Variants in NRXN1 observed in about 807,000 individuals in gnomAD.
NRXN1 encodes neurexin-1.
In NRXN1, 39 loss-of-function variants were observed where a neutral mutation model predicts 150.9. That is an observed-to-expected ratio of 0.26 (90% CI 0.20 to 0.34). The LOEUF is 0.34. Among genes scored for constraint, NRXN1 ranks in the 10% least tolerant of loss-of-function variants. The probability of loss-of-function intolerance (pLI) is 1.00; values close to 1 mark genes in which losing one functional copy is unlikely to be tolerated. For synonymous variants in NRXN1, 924 were observed against 757.0 expected (o/e 1.22, Z -3.62); for missense variants, 1,815 against 1,949.9 (o/e 0.93, Z 1.30).
intron 5 of NRXN1, among the ~76,000 whole-genome samples, chr2:50,786,454 C>A (rs2105558911): frequency 6.6e-6 from 1 of 152,210 alleles, no homozygotes; most frequent in South Asian, 2.1e-4. Flanking sequence ...TCAGCACCTG[C>A]CAACACAGGG....
intron 18 of NRXN1, among the ~76,000 whole-genome samples, chr2:50,159,633 C>G (rs1027666504): frequency 1.3e-5 from 2 of 152,054 alleles, no homozygotes; most frequent in Non-Finnish European, 2.9e-5. Flanking sequence ...TAAGCATTGC[C>G]AAGCCATTGG....
chr2:50,819,531 G>A (rs1375882200), intron 5 of NRXN1, among the ~76,000 whole-genome samples: 1 of 152,016 alleles, frequency 6.6e-6, no homozygotes, highest in East Asian at 1.9e-4. Context: ...ATAGGGCATA[G>A]GGAAGATAGG....
intron 17 of NRXN1, among the ~76,000 whole-genome samples, chr2:50,385,562 A>G (rs1164562836): frequency 6.6e-6 from 1 of 152,210 alleles, no homozygotes; most frequent in African/African-American, 2.4e-5. Flanking sequence ...GTAAACCAGG[A>G]GTGGCAGCGT....
intron 5 of NRXN1, among the ~76,000 whole-genome samples, chr2:50,797,720 C>G (rs1332469758): frequency 6.6e-6 from 1 of 152,116 alleles, no homozygotes. Context: ...TGCAAGGTAC[C>G]TATTTCAATG....
chr2:50,894,517 T>G (rs1173224596), intron 5 of NRXN1, among the ~76,000 whole-genome samples: 1 of 151,994 alleles, frequency 6.6e-6, no homozygotes, highest in Non-Finnish European at 1.5e-5. Context: ...AACACTTAAT[T>G]AATATATTCT....
At chr2:50,032,372 T>C (rs1220072596) in intron 21 of NRXN1, among the ~76,000 whole-genome samples, 1 of 152,030 alleles carries the variant, frequency 6.6e-6, no homozygotes, top group Non-Finnish European at 1.5e-5. Flanking sequence ...TCAAGATTAA[T>C]TGGAGACAAG....
At chr2:50,255,171 G>A (rs572256136) in intron 17 of NRXN1, among the ~76,000 whole-genome samples, 8 of 152,188 alleles carry the variant, frequency 5.3e-5, no homozygotes, top group African/African-American at 1.9e-4. Flanking sequence ...TGGAAAGTTA[G>A]GTCACTTACA....
intron 5 of NRXN1, among the ~76,000 whole-genome samples, chr2:50,752,237 A>G (rs1700674439): frequency 6.6e-6 from 1 of 151,980 alleles, no homozygotes. Context: ...CCTATCATTT[A>G]TATTTGTACA....
chr2:49,927,777 A>G (rs929876191), intron 22 of NRXN1, among the ~76,000 whole-genome samples: 4 of 152,192 alleles, frequency 2.6e-5, no homozygotes, highest in Admixed American at 6.6e-5. Flanking sequence ...AGGCATTAGC[A>G]TGCCATCAGA....
chr2:50,461,076 G>C (rs1283155347), intron 17 of NRXN1, among the ~76,000 whole-genome samples: 1 of 152,024 alleles, frequency 6.6e-6, no homozygotes, highest in Non-Finnish European at 1.5e-5. Flanking sequence ...TCAGACACTG[G>C]ATATTGGATT....
intron 5 of NRXN1, among the ~76,000 whole-genome samples, chr2:50,820,867 C>T (rs1258939748): frequency 1.3e-5 from 2 of 152,042 alleles, no homozygotes; most frequent in African/African-American, 4.8e-5. Context: ...TGAACACCCA[C>T]GAGGTCTGTT....
chr2:50,025,513 A>G (rs1688153966), intron 21 of NRXN1, among the ~76,000 whole-genome samples: 3 of 152,332 alleles, frequency 2.0e-5, no homozygotes, highest in South Asian at 4.1e-4. Context: ...GGAAGCCACA[A>G]TCTTCAGGAA....
chr2:50,417,622 C>G (rs2083642557), intron 17 of NRXN1, among the ~76,000 whole-genome samples: 1 of 151,712 alleles, frequency 6.6e-6, no homozygotes, highest in African/African-American at 2.4e-5. Flanking sequence ...TTACAAATAA[C>G]CTAGCTATCA....
chr2:50,466,270 T>C (rs370969396), intron 16 of NRXN1, among the ~76,000 whole-genome samples: 4 of 151,752 alleles, frequency 2.6e-5, no homozygotes, highest in African/African-American at 9.7e-5. Context: ...TATACAAACA[T>C]ATTCAAGACT....
chr2:50,945,612 A>G (rs1690231773), intron 2 of NRXN1, among the ~76,000 whole-genome samples: 1 of 151,734 alleles, frequency 6.6e-6, no homozygotes, highest in Non-Finnish European at 1.5e-5. Flanking sequence ...AGTTTGTTTA[A>G]CCCTGAGCCA....
At chr2:50,849,579 T>G (rs1674203819) in intron 5 of NRXN1, among the ~76,000 whole-genome samples, 1 of 152,168 alleles carries the variant, frequency 6.6e-6, no homozygotes, top group Non-Finnish European at 1.5e-5. Flanking sequence ...CAGTTATCAA[T>G]AACTCTTCTT....
chr2:50,631,047 G>C, intron 5 of NRXN1: 1 of 439,290 alleles, frequency 2.3e-6, no homozygotes, highest in Non-Finnish European at 4.6e-6. Flanking sequence ...GCCACGAACT[G>C]TGTAACTGAG....
At chr2:50,314,170 G>A (rs1026081559) in intron 17 of NRXN1, among the ~76,000 whole-genome samples, 13 of 152,080 alleles carry the variant, frequency 8.5e-5, no homozygotes, top group African/African-American at 2.4e-4. Flanking sequence ...GATGGTAGAC[G>A]CTAGTCCTCC....
At chr2:50,062,073 T>C (rs1283138906) in intron 19 of NRXN1, among the ~76,000 whole-genome samples, 1 of 152,084 alleles carries the variant, frequency 6.6e-6, no homozygotes, top group Non-Finnish European at 1.5e-5. Context: ...TTTCCTGGGG[T>C]GAAGAATTCA....
Sources: gnomAD v4.1 joint callset for allele counts (sites outside exome capture counted in the v4.1 genomes callset) on GRCh38, gnomAD v4.1.1 for gene constraint, MANE v1.5 for transcripts, NCBI Gene and HGNC (gene_info 2026-07-23, HGNC 2026-07-21) for gene names.